NBR1: variants seen among roughly 807,000 people sequenced by gnomAD.
The protein encoded by NBR1 is NBR1 autophagy cargo receptor, also known as next to BRCA1 gene 1 protein.
In NBR1, 59 loss-of-function variants were observed where a neutral mutation model predicts 115.5. The ratio of observed to expected loss-of-function variants is 0.51; its 90% CI spans 0.41 to 0.63. NBR1 has a LOEUF of 0.63. Ranked by LOEUF, NBR1 falls within the 30% of genes least tolerant of loss-of-function variation. NBR1 has a pLI of 0.00. For synonymous variants in NBR1, 373 were observed against 414.7 expected, an observed-to-expected ratio of 0.90 and a Z score of 1.22; for missense variants, 1,043 against 1,150.5, an observed-to-expected ratio of 0.91 and a Z score of 1.35.
At position 43,205,416 on chromosome 17, in the gene NBR1, C is replaced by T. The variant is rs184105788; in HGVS notation, c.2727+1630C>T. ...GATGAAACACTTCAGCCTGGTGTGC[C>T]CAAGTAAGGCTTTCTGGTAGATGAT... On this transcript the variant is annotated intron_variant, in intron 20 of 20. Transcript: ENST00000590996. Among the ~76,000 whole-genome samples, 31 of 152,178 alleles carry T rather than the reference C, an allele frequency of 2.0e-4. No individual in the cohort carries two copies. The East Asian group carries it at 5.8e-3, about 29-fold the overall frequency.
At chr17:43,180,005 G>A (rs1466954003) in intron 4 of NBR1, among the ~76,000 whole-genome samples, 2 of 152,144 alleles carry the variant, frequency 1.3e-5, no homozygotes, top group African/African-American at 4.8e-5. Context: ...TACAGTAGAT[G>A]CTGTTTGCAA....
At chr17:43,190,034 G>A in intron 8 of NBR1, 1 of 529,892 alleles carries the variant, frequency 1.9e-6, no homozygotes, top group Non-Finnish European at 3.4e-6. Flanking sequence ...GCAAAATTAT[G>A]TTCCCCTGAA....
chr17:43,200,169 A>G lies in NBR1; in HGVS notation c.2029A>G (p.Thr677Ala). 2.6e-6 allele frequency: 4 copies of G among 1,543,186 alleles called. No individual in the cohort carries two copies. The highest frequency in any genetic ancestry group is 3.5e-6 in the Non-Finnish European group (4 of 1,141,314). ...AATTGGTTGCTTTCATCCTTTAGTG[A>G]CATTTGCCTTGCCTGAAGGACCACT... ...PPCRQKSLQMTFALPEGPLGN... is the reference protein window; with the variant it reads ...PPCRQKSLQMAFALPEGPLGN... Residue 677 changes from threonine to alanine, a missense_variant and splice_region_variant, in exon 17 of 21, where the codon ACA becomes GCA. Physicochemically the swap from Thr to Ala is moderately conservative, Grantham distance 58 (BLOSUM62 0). Transcript: ENST00000590996.
At chr17:43,193,288 T>G (rs926637912) in intron 11 of NBR1, 35 bp downstream of exon 11, 2 of 1,613,188 alleles carry the variant, frequency 1.2e-6, no homozygotes, top group Admixed American at 3.3e-5. Context: ...GATGAGGTGA[T>G]TTGAAGTGGC....
Position 43,190,060 on chromosome 17 carries a change from C to A in NBR1, c.695+258C>A, listed in dbSNP as rs565867507. On this transcript the variant is annotated intron_variant, in intron 8 of 20. Coordinates refer to ENST00000590996, the MANE Select transcript of NBR1 (RefSeq NM_005899.5). ...TTCCCCTGAACGGACAAAATTAGAT[C>A]ACTAAGGGTAGTTCCTCGGTTGTTC... 15 of 456,710 alleles carry A rather than the reference C, an allele frequency of 3.3e-5. No individual in the cohort carries two copies. The Admixed American group carries it at 5.1e-4, about 16-fold the overall frequency. The allele number at this position is 456,710 out of a possible 1,614,324, so 28.3% of individuals were successfully genotyped here.
At chr17:43,185,466 G>C (rs908738553) in intron 5 of NBR1, among the ~76,000 whole-genome samples, 1 of 152,160 alleles carries the variant, frequency 6.6e-6, no homozygotes, top group Non-Finnish European at 1.5e-5. Flanking sequence ...TCAGGAGGCT[G>C]AGGTGGGAGG....
chr17:43,188,402 G>T (rs771636789), intron 6 of NBR1, among the ~76,000 whole-genome samples: 2 of 152,020 alleles, frequency 1.3e-5, no homozygotes, highest in African/African-American at 2.4e-5. Flanking sequence ...TTCTCTCATT[G>T]TGTAGGTTGC....
At chr17:43,190,496 T>A (rs1567855450) in intron 8 of NBR1, 113 bp from the exon 9 acceptor site, 1 of 1,161,258 alleles carries the variant, frequency 8.6e-7, no homozygotes, top group Non-Finnish European at 1.2e-6. Flanking sequence ...GATGGCATGC[T>A]CAGGTTACCT....
upstream of NBR1, chr17:43,171,035 C>T (rs1369696114): frequency 6.6e-6 from 1 of 152,280 alleles, no homozygotes; most frequent in African/African-American, 2.4e-5. Flanking sequence ...CTAGTTCCGC[C>T]CCTCAGCCTC....
intron 17 of NBR1, 52 bp downstream of exon 17, chr17:43,200,660 A>G: frequency 2.0e-6 from 3 of 1,499,272 alleles, no homozygotes; most frequent in East Asian, 2.3e-5. Context: ...TGAAATAAAG[A>G]GAGGAATCGA....
chr17:43,210,782 A>G lies in NBR1; in HGVS notation c.*708A>G, dbSNP rs1343557925. The G allele has an allele frequency of 2.5e-6, 1 of 398,400 alleles. No homozygotes were observed. The highest frequency in any genetic ancestry group is 4.4e-5 in the Admixed American group (1 of 22,708). 24.7% of individuals were successfully genotyped at this position (398,400 alleles called of 1,614,324 possible). ...GCAATGTCTATTATAGTAATTTTGCATACATTTTTATTTAAGGGAAAAAAT... is the reference window on the plus strand; with the variant it reads ...GCAATGTCTATTATAGTAATTTTGCGTACATTTTTATTTAAGGGAAAAAAT... On this transcript the variant is annotated 3_prime_UTR_variant, in exon 21 of 21. Coordinates refer to ENST00000590996, the MANE Select transcript of NBR1 (RefSeq NM_005899.5).
intron 6 of NBR1, among the ~76,000 whole-genome samples, chr17:43,186,650 CT>C (rs2056809868): frequency 6.6e-6 from 1 of 152,040 alleles, no homozygotes; most frequent in Non-Finnish European, 1.5e-5. Context: ...GGTATTTCTC[CT>C]AATGCTATCC....
At chr17:43,209,146 G>A (rs376437870) in intron 20 of NBR1, among the ~76,000 whole-genome samples, 20 of 150,992 alleles carry the variant, frequency 1.3e-4, no homozygotes, top group African/African-American at 4.6e-4. Flanking sequence ...GCGCGATCTC[G>A]GCTCACTGCA....
intron 5 of NBR1, 137 bp from the exon 6 acceptor site, chr17:43,186,113 G>T: frequency 1.6e-6 from 1 of 635,816 alleles, no homozygotes. Flanking sequence ...ATTTGTTGTT[G>T]GATTTAATAA....
At chr17:43,179,870 T>C (rs868451944) in intron 4 of NBR1, among the ~76,000 whole-genome samples, 16 of 152,334 alleles carry the variant, frequency 1.1e-4, no homozygotes, top group African/African-American at 3.6e-4. Flanking sequence ...CTTAATTTAA[T>C]CAGGTGAAAT....
intron 10 of NBR1, among the ~76,000 whole-genome samples, chr17:43,191,796 A>G (rs994749260): frequency 2.0e-5 from 3 of 152,160 alleles, no homozygotes; most frequent in African/African-American, 7.2e-5. Context: ...ATCTCGGCTC[A>G]CTGCCAGCTC....
chr17:43,200,131 G>T (rs1464840794), intron 16 of NBR1, 36 bp from the exon 17 acceptor site: 2 of 1,499,340 alleles, frequency 1.3e-6, no homozygotes, highest in Non-Finnish European at 1.8e-6. Flanking sequence ...CCTGCTTTTA[G>T]CTTCCACCTT....
In NBR1 at chr17:43,200,230, A is replaced by C. The variant is rs2057164220; in HGVS notation, c.2090A>C (p.Glu697Ala). 6.4e-6 allele frequency: 10 copies of C among 1,551,770 alleles called. No individual in the cohort carries two copies. Among genetic ancestry groups the C allele is most frequent in the African/African-American group, 1.4e-5 (1 of 73,056 alleles). ...AAGGAGGAGATTATCCATATCGCTG[A>C]GGAAGAAGCTGTCATGGAGGAGGAG... ...NEKEEIIHIA[E>A]EEAVMEEEED... Residue 697 changes from glutamate to alanine, a missense_variant, in exon 17 of 21, where the codon GAG becomes GCG. Glu to Ala is a moderately radical substitution (Grantham distance 107, BLOSUM62 -1). Transcript: ENST00000590996.
intron 19 of NBR1, 79 bp downstream of exon 19, chr17:43,202,791 A>G: frequency 1.8e-6 from 2 of 1,110,512 alleles, no homozygotes; most frequent in Non-Finnish European, 2.7e-6. Flanking sequence ...AGCCTCTCAC[A>G]GTATGTACCC....
Sources: allele counts gnomAD v4.1 joint callset (sites outside exome capture counted in the v4.1 genomes callset), GRCh38; gene constraint gnomAD v4.1.1; transcripts MANE v1.5; gene names NCBI Gene and HGNC (gene_info 2026-07-23, HGNC 2026-07-21).